CEP85: variants seen among roughly 807,000 people sequenced by gnomAD.
CEP85 encodes the protein centrosomal protein of 85 kDa.
Under a neutral mutation model 93.7 loss-of-function variants are expected in CEP85, and 58 were observed. That is an observed-to-expected ratio of 0.62 (90% confidence interval 0.50 to 0.77). The LOEUF is 0.77. CEP85 is among the 30% of genes least tolerant of loss of function. CEP85 has a pLI of 0.00. For missense variants in CEP85, 868 were observed against 922.0 expected, an observed-to-expected ratio of 0.94 and a Z score of 0.76; for synonymous variants, 314 against 338.6, an observed-to-expected ratio of 0.93 and a Z score of 0.80.
intron 3 of CEP85, among the ~76,000 whole-genome samples, chr1:26,254,131 G>A (rs1479343624): frequency 6.6e-6 from 1 of 152,134 alleles, no homozygotes; most frequent in Admixed American, 6.6e-5. Flanking sequence ...CAAGTTGGTA[G>A]TCGCTCTTCT....
In CEP85 at chr1:26,248,722, C is replaced by CTTTTTTTTTTTTTTT. The variant is rs573449499; in HGVS notation, c.208+4412_208+4426dup. On this transcript the variant is annotated intron_variant, in intron 3 of 13. Coordinates refer to ENST00000451429, the MANE Select transcript of CEP85 (RefSeq NM_001319944.2). Reference sequence around the variant, plus strand: ...TGTTGGCCAGTCTGGGTCTTGAACTCTTTTTTTTTTTTTTTTTTTTTTGAG... The same window carrying CTTTTTTTTTTTTTTT: ...TGTTGGCCAGTCTGGGTCTTGAACTCTTTTTTTTTTTTTTTTTTTTTTTTTTTTTTTTTTTTTGAG... Among the ~76,000 whole-genome samples the CTTTTTTTTTTTTTTT allele has an allele frequency of 6.2e-4, 35 of 56,212 alleles. 7 individuals are homozygous for CTTTTTTTTTTTTTTT. The highest frequency in any genetic ancestry group is 1.8e-3 in the African/African-American group (22 of 12,380). The allele number at this position is 56,212 out of a possible 152,430, so 36.9% of individuals were successfully genotyped here. A position where few individuals can be genotyped will look rare whatever the true frequency, so the allele number is the denominator to read the frequency against.
At chr1:26,270,100 C>T (rs1456749432) in intron 9 of CEP85, among the ~76,000 whole-genome samples, 1 of 152,148 alleles carries the variant, frequency 6.6e-6, no homozygotes, top group Non-Finnish European at 1.5e-5. Context: ...ATATCTTTGG[C>T]ATGGAGTATG....
At chr1:26,266,080 A>G (rs1379165524) in intron 7 of CEP85, among the ~76,000 whole-genome samples, 2 of 151,904 alleles carry the variant, frequency 1.3e-5, no homozygotes, top group Non-Finnish European at 2.9e-5. Context: ...GTGGTGGTGG[A>G]CACCTGTAAC....
Position 26,258,210 on chromosome 1 carries a change from C to T in CEP85, c.1105C>T (p.Leu369Phe). ...RESELQVHSA[L>F]LGRPAPFGDV... ...GAGCGAACTGCAAGTCCACAGTGCC[C>T]TCTTGGGCCGCCCTGCCCCCTTTGG... Residue 369 changes from leucine (L) to phenylalanine (F), a missense_variant, in exon 6 of 14, where the codon CTC becomes TTC. Transcript: ENST00000451429. 3 of 1,614,156 alleles carry T rather than the reference C, an allele frequency of 1.9e-6. No homozygotes were observed. Among genetic ancestry groups the T allele is most frequent in the Admixed American group, 1.7e-5 (1 of 60,024 alleles).
chr1:26,251,492 C>A (rs184346010), intron 3 of CEP85, among the ~76,000 whole-genome samples: 1 of 152,004 alleles, frequency 6.6e-6, no homozygotes, highest in African/African-American at 2.4e-5. Context: ...CTCAGGTGAT[C>A]CGCCCACCTC....
At chr1:26,271,922 T>C (rs893836134) in intron 10 of CEP85, 99 bp from the exon 11 acceptor site, 1 of 957,578 alleles carries the variant, frequency 1.0e-6, no homozygotes. Context: ...CTCTTAATGG[T>C]CTAATAGCCA....
chr1:26,259,659 CAGA>C lies in CEP85; in HGVS notation c.1202_1204del (p.Lys401del), dbSNP rs1236159701. On this transcript the variant is annotated inframe_deletion, in exon 7 of 14. Coordinates refer to ENST00000451429, the MANE Select transcript of CEP85 (RefSeq NM_001319944.2). ...CACTTTCTTACGTGCACAGTTTGCA[CAGA>C]AGACAGAAGCCTTGAGCAGAGAAAA... 33 of 1,613,022 alleles carry C rather than the reference CAGA, an allele frequency of 2.0e-5. No homozygotes were observed. The highest frequency in any genetic ancestry group is 2.7e-5 in the Non-Finnish European group (32 of 1,179,678).
At chr1:26,246,339 A>G (rs1323877865) in intron 3 of CEP85, among the ~76,000 whole-genome samples, 1 of 152,246 alleles carries the variant, frequency 6.6e-6, no homozygotes, top group Non-Finnish European at 1.5e-5. Flanking sequence ...AAGTAGAAAC[A>G]ATCCAAAACC....
chr1:26,242,567 A>G (rs1045137983), intron 2 of CEP85, among the ~76,000 whole-genome samples: 39 of 152,222 alleles, frequency 2.6e-4, no homozygotes, highest in African/African-American at 9.4e-4. Flanking sequence ...AAGTAAGGGT[A>G]GCAAAAAATG....
At chr1:26,248,640 C>A (rs984595795) in intron 3 of CEP85, among the ~76,000 whole-genome samples, 2 of 149,124 alleles carry the variant, frequency 1.3e-5, no homozygotes, top group Non-Finnish European at 3.0e-5. Context: ...GGATTACAGG[C>A]GTGTACCACC....
At chr1:26,241,187 A>T (rs1242991987) in intron 2 of CEP85, among the ~76,000 whole-genome samples, 1 of 151,260 alleles carries the variant, frequency 6.6e-6, no homozygotes, top group African/African-American at 2.4e-5. Context: ...GCTGCCTTGC[A>T]TAGAGTAGGC....
chr1:26,245,975 G>A (rs1454056871), intron 3 of CEP85, among the ~76,000 whole-genome samples: 1 of 107,932 alleles, frequency 9.3e-6, no homozygotes, highest in Admixed American at 8.5e-5. Context: ...GTGAGACCCT[G>A]TCTCAAAAAA....
At position 26,275,329 on chromosome 1, in the gene CEP85, A is replaced by G. The variant is rs886863982; in HGVS notation, c.1902+258A>G. Among the ~76,000 whole-genome samples, 3 of 149,634 alleles carry G rather than the reference A, an allele frequency of 2.0e-5. No homozygotes were observed. In the East Asian group the frequency reaches 5.9e-4, roughly 29 times the overall value. ...CAGAGTCTTGCTCTGTCGCCAGGCT[A>G]GAGTGCAGTGGCGCAATCTCGGCTC... On this transcript the variant is annotated intron_variant, in intron 12 of 13. Transcript: ENST00000451429.
chr1:26,264,790 C>T (rs1220930315), intron 7 of CEP85, among the ~76,000 whole-genome samples: 1 of 151,934 alleles, frequency 6.6e-6, no homozygotes, highest in Non-Finnish European at 1.5e-5. Context: ...GCTTAGAGTC[C>T]CCACAGTTCT....
intron 2 of CEP85, among the ~76,000 whole-genome samples, chr1:26,243,020 G>T (rs77045925): frequency 0.014 from 2,095 of 151,926 alleles, 48 homozygotes; most frequent in African/African-American, 0.048. Context: ...TCTTCACGTT[G>T]CTCTCAAGAT....
rs762262272 is a variant in CEP85, at chr1:26,268,636, G to A, written c.1494+1G>A. The A allele has an allele frequency of 1.2e-6, 2 of 1,606,002 alleles. No individual in the cohort carries two copies. Among genetic ancestry groups the A allele is most frequent in the Admixed American group, 3.4e-5 (2 of 58,052 alleles). On this transcript the variant is annotated splice_donor_variant, in intron 8 of 13. Transcript: ENST00000451429. LOFTEE classifies it high-confidence loss of function. ...AGACCATCAGAAGCAGAGCCAGCAG[G>A]TAGCAGCAATGTCTTGGCATGCCTG...
intron 6 of CEP85, among the ~76,000 whole-genome samples, chr1:26,259,211 G>A (rs2089768577): frequency 6.6e-6 from 1 of 152,228 alleles, no homozygotes; most frequent in South Asian, 2.1e-4. Context: ...AGATCATATA[G>A]AGAATGAGTG....
intron 7 of CEP85, among the ~76,000 whole-genome samples, chr1:26,266,775 G>A (rs1221091375): frequency 2.6e-5 from 4 of 152,172 alleles, no homozygotes; most frequent in African/African-American, 4.8e-5. Context: ...ATAAAACAAA[G>A]CACCATAATG....
intron 9 of CEP85, among the ~76,000 whole-genome samples, 191 bp downstream of exon 9, chr1:26,269,805 G>A (rs865970258): frequency 1.7e-4 from 1 of 5,788 alleles, no homozygotes; most frequent in East Asian, 2.2e-3. Flanking sequence ...TTTTTTTTTT[G>A]AGACGGAGTC....
Sources: gnomAD v4.1 joint callset for allele counts (sites outside exome capture counted in the v4.1 genomes callset) on GRCh38, gnomAD v4.1.1 for gene constraint, MANE v1.5 for transcripts, NCBI Gene and HGNC (gene_info 2026-07-23, HGNC 2026-07-21) for gene names.